Variants in ARAP2 observed in about 807,000 individuals in gnomAD.
ARAP2 encodes ArfGAP with RhoGAP domain, ankyrin repeat and PH domain 2, also known as arf-GAP with Rho-GAP domain, ANK repeat and PH domain-containing protein 2.
In ARAP2, 148 loss-of-function variants were observed where a neutral mutation model predicts 194.5. The observed-to-expected ratio is 0.76, with a 90% confidence interval of 0.67 to 0.87. ARAP2 has a LOEUF of 0.87. Ranked by LOEUF, ARAP2 falls within the 40% of genes least tolerant of loss-of-function variation. ARAP2 has a pLI of 0.00. For missense variants in ARAP2, 2,128 were observed against 1,989.7 expected (o/e 1.07, Z -1.32); for synonymous variants, 695 against 683.5 (o/e 1.02, Z -0.26).
chr4:36,153,281 T>C lies in ARAP2; in HGVS notation c.2753-2237A>G, dbSNP rs1298559020. Among the ~76,000 whole-genome samples, 3 of 152,176 alleles carry C rather than the reference T, an allele frequency of 2.0e-5. 1 individual carries two copies. ...AAAGCTGTGACAGGAAATCGTGACA[T>C]TCCCATTGATATGGGAAGCAATTTA... On this transcript the variant is annotated intron_variant, in intron 15 of 32. Transcript: ENST00000303965.
In ARAP2 at chr4:36,228,497, T is replaced by C. The variant is rs577160396; in HGVS notation, c.905+85A>G. On this transcript the variant is annotated intron_variant, in intron 2 of 32. Transcript: ENST00000303965. ...GTAAATGAATACAGTCAAATTTAGATAGGAACACTGAAAATATAACTGTTA... is the reference window on the plus strand; with the variant it reads ...GTAAATGAATACAGTCAAATTTAGACAGGAACACTGAAAATATAACTGTTA... 78 of 1,379,374 alleles carry C rather than the reference T, an allele frequency of 5.7e-5. 1 individual carries two copies. The South Asian group carries it at 9.2e-4, about 16-fold the overall frequency. The allele number at this position is 1,379,374 out of a possible 1,614,324, so 85.4% of individuals were successfully genotyped here. A position where few individuals can be genotyped will look rare whatever the true frequency, so the allele number is the denominator to read the frequency against.
rs747843966 is a variant in ARAP2, at chr4:36,124,961, T to C, written c.3647A>G (p.Gln1216Arg). Residue 1216 changes from glutamine to arginine, a missense_variant, in exon 22 of 33, where the codon CAA (glutamine) becomes CGA (arginine). By Grantham distance (43) the Gln-to-Arg change is conservative. Transcript: ENST00000303965. ...YPYWISALDT[Q>R]DDKERIKKYG... is the part of the protein sequence containing the mutation. The stretch of plus-strand genomic sequence containing the variant: ...TTTTTTAATTCTTTCCTTGTCATCT[T>C]GCGTATCTGAAGGGGAAAAAAAAAC... 1 of 1,603,504 alleles carries C rather than the reference T, an allele frequency of 6.2e-7. No individual in the cohort carries two copies. The highest frequency in any genetic ancestry group is 8.5e-7 in the Non-Finnish European group (1 of 1,172,300).
chr4:36,133,843 C>A (rs1203807917), intron 19 of ARAP2, among the ~76,000 whole-genome samples: 1 of 151,780 alleles, frequency 6.6e-6, no homozygotes, highest in Non-Finnish European at 1.5e-5. Context: ...CTCACTTCCT[C>A]TTTCTGAATG....
intron 8 of ARAP2, among the ~76,000 whole-genome samples, chr4:36,182,166 T>C (rs901787654): frequency 5.3e-5 from 8 of 152,150 alleles, no homozygotes; most frequent in Non-Finnish European, 1.2e-4. Context: ...TGCGGGGTTT[T>C]TGGACCTCAC....
chr4:36,210,254 T>C, intron 6 of ARAP2, 136 bp downstream of exon 6: 10 of 717,334 alleles, frequency 1.4e-5, no homozygotes, highest in Non-Finnish European at 2.2e-5. Context: ...GTGCTGAAAG[T>C]CCCTAAAAAT....
intron 1 of ARAP2, among the ~76,000 whole-genome samples, chr4:36,232,630 A>G (rs1560732764): frequency 6.6e-6 from 1 of 152,222 alleles, no homozygotes; most frequent in South Asian, 2.1e-4. Context: ...TAGCAGCTCC[A>G]TAACTTTTTG....
At chr4:36,172,381 A>C (rs780358954) in intron 9 of ARAP2, among the ~76,000 whole-genome samples, 6 of 152,196 alleles carry the variant, frequency 3.9e-5, no homozygotes, top group Non-Finnish European at 7.3e-5. Flanking sequence ...ATAAAGAGTA[A>C]ATAAAGCAAC....
intron 5 of ARAP2, among the ~76,000 whole-genome samples, chr4:36,024,843 T>A (rs1050074864): frequency 1.3e-5 from 2 of 152,102 alleles, no homozygotes; most frequent in Non-Finnish European, 2.9e-5. Context: ...AGAATTATAA[T>A]TACAATATTA....
intron 24 of ARAP2, 84 bp from the exon 25 acceptor site, chr4:36,117,219 C>G: frequency 1.1e-6 from 1 of 916,008 alleles, no homozygotes. Context: ...TATAAAGCCC[C>G]AGTCATATTT....
intron 9 of ARAP2, among the ~76,000 whole-genome samples, chr4:36,175,354 T>C (rs922233277): frequency 2.6e-5 from 4 of 152,224 alleles, no homozygotes; most frequent in African/African-American, 7.2e-5. Context: ...GAAGACCCTT[T>C]ACTCAGCATG....
At chr4:36,160,154 T>C in intron 13 of ARAP2, 2 of 1,019,202 alleles carry the variant, frequency 2.0e-6, no homozygotes, top group Non-Finnish European at 2.3e-6. Context: ...TCTCATCCTT[T>C]CTTCCCACAT....
At chr4:36,020,602 C>T (rs1716757039) in intron 5 of ARAP2, among the ~76,000 whole-genome samples, 1 of 152,264 alleles carries the variant, frequency 6.6e-6, no homozygotes, top group Non-Finnish European at 1.5e-5. Context: ...CAGAATGATG[C>T]ACAATTTAAA....
chr4:36,112,799 A>G (rs1040112757), intron 26 of ARAP2, among the ~76,000 whole-genome samples: 6 of 152,058 alleles, frequency 3.9e-5, no homozygotes, highest in African/African-American at 1.2e-4. Flanking sequence ...ACAAAGTACA[A>G]TGAAAATTTT....
At chr4:36,193,349 A>T (rs1742367778) in intron 7 of ARAP2, among the ~76,000 whole-genome samples, 1 of 152,226 alleles carries the variant, frequency 6.6e-6, no homozygotes, top group Non-Finnish European at 1.5e-5. Flanking sequence ...TACAAAAAAG[A>T]GCATGTGGTT....
chr4:36,147,411 C>T lies in ARAP2; in HGVS notation c.3200-52G>A, dbSNP rs747950389. 96 of 1,591,180 alleles carry T rather than the reference C, an allele frequency of 6.0e-5. 1 individual carries two copies. Among genetic ancestry groups the T allele is most frequent in the Non-Finnish European group, 7.9e-5 (92 of 1,160,824 alleles). ...TTATTTTTTAAAACACTGTAATAAA[C>T]ACCCATGAAGACACAAATATTAATA... On this transcript the variant is annotated intron_variant, in intron 18 of 32. Transcript: ENST00000303965.
chr4:36,227,596 C>A (rs995035949), intron 2 of ARAP2, among the ~76,000 whole-genome samples: 2 of 152,056 alleles, frequency 1.3e-5, no homozygotes, highest in Admixed American at 1.3e-4. Flanking sequence ...CAGTAGCGGC[C>A]ACAGATTCAA....
At chr4:36,105,958 CAAAT>C (rs1244865131) in intron 27 of ARAP2, among the ~76,000 whole-genome samples, 2 of 151,790 alleles carry the variant, frequency 1.3e-5, no homozygotes, top group Non-Finnish European at 2.9e-5. Context: ...AGAAAAGAAA[CAAAT>C]AAAAATTTCA....
chr4:36,136,924 G>A (rs540208304), intron 19 of ARAP2, among the ~76,000 whole-genome samples: 18 of 23,910 alleles, frequency 7.5e-4, no homozygotes, highest in Admixed American at 3.3e-3. Context: ...ACACATACAC[G>A]CGCGCGCGCA....
Position 36,179,938 on chromosome 4 carries a change from C to T in ARAP2, c.1679-1933G>A, listed in dbSNP as rs117521920. 3.7e-4 allele frequency among the ~76,000 whole-genome samples: 56 copies of T among 152,240 alleles called. No homozygotes were observed. In the East Asian group the frequency reaches 4.2e-3, roughly 12 times the overall value. On this transcript the variant is annotated intron_variant, in intron 8 of 32. Coordinates refer to ENST00000303965, the MANE Select transcript of ARAP2 (RefSeq NM_015230.4). ...CAAAATGTTTATTAAAAAACTCATT[C>T]GATAGTGCTTTATTGCAGGTGTTAC...
Sources: gnomAD v4.1 joint callset for allele counts (sites outside exome capture counted in the v4.1 genomes callset) on GRCh38, gnomAD v4.1.1 for gene constraint, MANE v1.5 for transcripts, NCBI Gene and HGNC (gene_info 2026-07-23, HGNC 2026-07-21) for gene names.